Variants in UNC5D observed in about 807,000 individuals in gnomAD.
UNC5D encodes unc-5 netrin receptor D, also known as netrin receptor UNC5D.
In UNC5D, 39 loss-of-function variants were observed where a neutral mutation model predicts 105.4. The observed-to-expected ratio is 0.37, with a 90% confidence interval of 0.29 to 0.48. UNC5D has a LOEUF of 0.48. UNC5D is among the 20% of genes least tolerant of loss of function. The pLI, the probability that UNC5D is intolerant of heterozygous loss-of-function variation, is 0.98. For missense variants in UNC5D, 991 were observed against 1,202.4 expected (o/e 0.82, Z 2.60); for synonymous variants, 452 against 450.4 (o/e 1.00, Z -0.04).
At chr8:35,253,125 T>C (rs955504996) in intron 1 of UNC5D, among the ~76,000 whole-genome samples, 51 of 151,546 alleles carry the variant, frequency 3.4e-4, no homozygotes, top group African/African-American at 1.1e-3. Context: ...TGTGTGTGCG[T>C]GTGTGTGTAT....
chr8:35,440,222 G>A (rs775285399), intron 1 of UNC5D, among the ~76,000 whole-genome samples: 21 of 151,836 alleles, frequency 1.4e-4, no homozygotes, highest in Non-Finnish European at 2.8e-4. Flanking sequence ...GTCCATCTGG[G>A]CTTAACTGAG....
At chr8:35,709,476 G>A (rs1056859776) in intron 8 of UNC5D, among the ~76,000 whole-genome samples, 1 of 152,058 alleles carries the variant, frequency 6.6e-6, no homozygotes, top group Non-Finnish European at 1.5e-5. Flanking sequence ...GGTCACTTGA[G>A]GTGAGGAGTT....
chr8:35,784,604 TGGG>T (rs993113970), intron 16 of UNC5D, among the ~76,000 whole-genome samples: 1 of 151,908 alleles, frequency 6.6e-6, no homozygotes, highest in Non-Finnish European at 1.5e-5. Flanking sequence ...AAAAATTAGC[TGGG>T]CATGGTGGCA....
intron 1 of UNC5D, among the ~76,000 whole-genome samples, chr8:35,397,469 T>C (rs1329728667): frequency 1.3e-5 from 2 of 152,238 alleles, no homozygotes; most frequent in Non-Finnish European, 2.9e-5. Flanking sequence ...TAACCTTTTT[T>C]TGCACAATCG....
intron 1 of UNC5D, among the ~76,000 whole-genome samples, chr8:35,367,684 G>T (rs1325750697): frequency 6.6e-6 from 1 of 151,242 alleles, no homozygotes; most frequent in Non-Finnish European, 1.5e-5. Context: ...GCATTAGTCA[G>T]GGACATACAT....
At chr8:35,645,133 A>G (rs1294144616) in intron 4 of UNC5D, among the ~76,000 whole-genome samples, 1 of 152,144 alleles carries the variant, frequency 6.6e-6, no homozygotes, top group African/African-American at 2.4e-5. Flanking sequence ...CAACATGTCC[A>G]TCTACCCACT....
At chr8:35,260,520 G>A (rs1322184602) in intron 1 of UNC5D, among the ~76,000 whole-genome samples, 1 of 152,150 alleles carries the variant, frequency 6.6e-6, no homozygotes, top group African/African-American at 2.4e-5. Context: ...ACCCAGGCTG[G>A]AGTGCAGTGG....
rs1211607372 is a variant in UNC5D at position 35,398,665 on chromosome 8, A to G, written c.104-150627A>G. Among the ~76,000 whole-genome samples the G allele has an allele frequency of 6.6e-5, 10 of 152,234 alleles. No homozygotes were observed. The East Asian group carries it at 1.7e-3, about 26-fold the overall frequency. ...TTTCAGGTGTCTTTACTGAATACAT[A>G]AGGAATTAATTTGGTTATCTTAGAA... On this transcript the variant is annotated intron_variant, in intron 1 of 16. Transcript: ENST00000404895.
chr8:35,742,056 C>T (rs1829787173), intron 11 of UNC5D, among the ~76,000 whole-genome samples: 1 of 152,164 alleles, frequency 6.6e-6, no homozygotes, highest in African/African-American at 2.4e-5. Flanking sequence ...TGTTCTCCCT[C>T]TCCAGGAGTC....
At chr8:35,294,233 C>T (rs1807295566) in intron 1 of UNC5D, among the ~76,000 whole-genome samples, 1 of 152,182 alleles carries the variant, frequency 6.6e-6, no homozygotes, top group Admixed American at 6.5e-5. Flanking sequence ...CGTATGCCTC[C>T]TGCCTTAAGT....
chr8:35,675,429 C>A (rs538190569), intron 4 of UNC5D, among the ~76,000 whole-genome samples: 8 of 152,174 alleles, frequency 5.3e-5, no homozygotes, highest in African/African-American at 1.9e-4. Context: ...AAGAAGCTTG[C>A]CGACAAGTAG....
chr8:35,424,497 C>T (rs932877286), intron 1 of UNC5D, among the ~76,000 whole-genome samples: 1 of 152,180 alleles, frequency 6.6e-6, no homozygotes, highest in African/African-American at 2.4e-5. Context: ...CAGATCCAGG[C>T]TGTCAGTCTA....
intron 4 of UNC5D, among the ~76,000 whole-genome samples, chr8:35,658,377 G>T (rs1297494295): frequency 6.6e-6 from 1 of 152,210 alleles, no homozygotes; most frequent in Middle Eastern, 3.4e-3. Context: ...TTATGGTATT[G>T]TTTTTCCTAT....
intron 1 of UNC5D, among the ~76,000 whole-genome samples, chr8:35,537,467 AC>A (rs1448274135): frequency 2.0e-5 from 3 of 152,210 alleles, no homozygotes; most frequent in Non-Finnish European, 4.4e-5. Flanking sequence ...ATCATTTGGC[AC>A]CAGGAGTTCA....
chr8:35,700,718 T>C (rs1827132872), intron 7 of UNC5D, among the ~76,000 whole-genome samples: 3 of 152,146 alleles, frequency 2.0e-5, no homozygotes, highest in Admixed American at 6.5e-5. Flanking sequence ...AGTACATGGA[T>C]TTGTACTGAG....
chr8:35,600,272 T>C (rs988274067), intron 4 of UNC5D, among the ~76,000 whole-genome samples: 3 of 152,192 alleles, frequency 2.0e-5, no homozygotes, highest in Non-Finnish European at 2.9e-5. Flanking sequence ...TACGTGCACA[T>C]GTGTCTTTAT....
chr8:35,478,013 T>C (rs1810236021), intron 1 of UNC5D, among the ~76,000 whole-genome samples: 1 of 152,134 alleles, frequency 6.6e-6, no homozygotes, highest in South Asian at 2.1e-4. Context: ...GAGAAAGCCT[T>C]ATATTAATCA....
intron 8 of UNC5D, among the ~76,000 whole-genome samples, chr8:35,706,348 C>T (rs1261368025): frequency 6.6e-6 from 1 of 152,142 alleles, no homozygotes; most frequent in African/African-American, 2.4e-5. Context: ...CATCTTACCT[C>T]CTGTGGAATC....
intron 9 of UNC5D, among the ~76,000 whole-genome samples, chr8:35,724,481 CAA>C (rs981676194): frequency 2.1e-4 from 32 of 152,034 alleles, no homozygotes; most frequent in African/African-American, 7.2e-4. Flanking sequence ...AAAGGATTTC[CAA>C]AGAGAAGACT....
Sources: gnomAD v4.1 joint callset for allele counts (sites outside exome capture counted in the v4.1 genomes callset) on GRCh38, gnomAD v4.1.1 for gene constraint, MANE v1.5 for transcripts, NCBI Gene and HGNC (gene_info 2026-07-23, HGNC 2026-07-21) for gene names.